The following BCAR3 variants were observed in gnomAD, a reference collection of about 807,000 sequenced individuals.
The protein encoded by BCAR3 is breast cancer anti-estrogen resistance protein 3.
In BCAR3, 37 loss-of-function variants were observed where a neutral mutation model predicts 80.1. The ratio of observed to expected loss-of-function variants is 0.46; its 90% confidence interval spans 0.36 to 0.61. The LOEUF is 0.61. Among genes scored for constraint, BCAR3 ranks in the 20% least tolerant of loss-of-function variants. The pLI, the probability that BCAR3 is intolerant of heterozygous loss-of-function variation, is 0.00. For missense variants in BCAR3, 978 were observed against 1,068.2 expected (o/e 0.92, Z 1.18); for synonymous variants, 389 against 418.9 (o/e 0.93, Z 0.87).
chr1:93,613,774 C>T, intron 3 of BCAR3: 2 of 1,506,484 alleles, frequency 1.3e-6, no homozygotes, highest in Non-Finnish European at 1.8e-6. Context: ...TATCTATTGC[C>T]CTTTAGGAAA....
chr1:93,701,477 C>T lies in BCAR3; in HGVS notation c.-12+4615G>A, dbSNP rs760653864. ...GGCCCTGAGAAAAGCCCTAAAGATG[C>T]CTGGCAGGGGACATCTCTTCACAAT... On this transcript the variant is annotated intron_variant, in intron 3 of 13. Transcript: ENST00000370244. Among the ~76,000 whole-genome samples the T allele has an allele frequency of 3.3e-5, 5 of 152,192 alleles. No homozygotes were observed. In the East Asian group the frequency reaches 9.6e-4, roughly 29 times the overall value.
chr1:93,653,934 C>T (rs1233838952), intron 2 of BCAR3, among the ~76,000 whole-genome samples: 1 of 152,188 alleles, frequency 6.6e-6, no homozygotes, highest in Non-Finnish European at 1.5e-5. Flanking sequence ...CCATCATCTC[C>T]CGCTGGACAC....
chr1:93,619,179 C>G (rs954592497), intron 3 of BCAR3, among the ~76,000 whole-genome samples: 1 of 151,206 alleles, frequency 6.6e-6, no homozygotes, highest in African/African-American at 2.4e-5. Context: ...ATCTCCTGAC[C>G]TCGTGATCCG....
At chr1:93,835,083 C>T (rs1280647066) in intron 2 of BCAR3, among the ~76,000 whole-genome samples, 1 of 152,128 alleles carries the variant, frequency 6.6e-6, no homozygotes, top group Non-Finnish European at 1.5e-5. Flanking sequence ...TCTCAGTAAG[C>T]TGAATTCATT....
At chr1:93,690,728 G>A (rs1253173711) in intron 3 of BCAR3, among the ~76,000 whole-genome samples, 1 of 152,216 alleles carries the variant, frequency 6.6e-6, no homozygotes, top group African/African-American at 2.4e-5. Context: ...CATACCTCAT[G>A]ATGCTGTTGT....
intron 2 of BCAR3, among the ~76,000 whole-genome samples, chr1:93,654,746 G>T (rs1263778260): frequency 6.6e-6 from 1 of 152,034 alleles, no homozygotes; most frequent in Admixed American, 6.5e-5. Flanking sequence ...CTTTTGCCCA[G>T]AATATTCATC....
chr1:93,647,248 C>T (rs904733027), intron 2 of BCAR3, among the ~76,000 whole-genome samples: 3 of 152,102 alleles, frequency 2.0e-5, no homozygotes, highest in Non-Finnish European at 4.4e-5. Flanking sequence ...AATTTTTGCT[C>T]TAAACATGAA....
chr1:93,629,205 C>T (rs1487809145), intron 3 of BCAR3, among the ~76,000 whole-genome samples: 1 of 152,206 alleles, frequency 6.6e-6, no homozygotes, highest in East Asian at 1.9e-4. Flanking sequence ...TCTCCCAAGG[C>T]TCCTCCCACT....
chr1:93,813,807 C>A (rs552632776), intron 2 of BCAR3, among the ~76,000 whole-genome samples: 1 of 152,294 alleles, frequency 6.6e-6, no homozygotes, highest in East Asian at 1.9e-4. Flanking sequence ...ATGTCCTTTA[C>A]ATTTTGTATT....
At chr1:93,796,515 C>T (rs1003530580) in intron 2 of BCAR3, among the ~76,000 whole-genome samples, 7 of 150,346 alleles carry the variant, frequency 4.7e-5, no homozygotes, top group Non-Finnish European at 1.0e-4. Flanking sequence ...TGCTTCGGCT[C>T]GCGCACGGTG....
intron 2 of BCAR3, among the ~76,000 whole-genome samples, chr1:93,663,984 G>C (rs12033667): frequency 6.6e-6 from 1 of 152,116 alleles, no homozygotes; most frequent in Admixed American, 6.5e-5. Flanking sequence ...CATGTACCTC[G>C]ACCTTGGGAA....
intron 3 of BCAR3, among the ~76,000 whole-genome samples, chr1:93,697,356 C>T (rs1180272598): frequency 6.6e-6 from 1 of 152,248 alleles, no homozygotes; most frequent in Non-Finnish European, 1.5e-5. Context: ...GCCCACTTAC[C>T]TGCCCACCTC....
At chr1:93,833,838 A>G (rs1361604398) in intron 2 of BCAR3, among the ~76,000 whole-genome samples, 3 of 152,212 alleles carry the variant, frequency 2.0e-5, no homozygotes, top group Non-Finnish European at 2.9e-5. Flanking sequence ...CTGAGGTGAC[A>G]TATATCCTCA....
At chr1:93,583,299 C>T in intron 6 of BCAR3, among the ~76,000 whole-genome samples, 1 of 152,046 alleles carries the variant, frequency 6.6e-6, no homozygotes, top group Non-Finnish European at 1.5e-5. Flanking sequence ...TGTAATCTTG[C>T]CCTAAGAAAC....
intron 2 of BCAR3, among the ~76,000 whole-genome samples, chr1:93,819,988 A>G (rs1411255140): frequency 6.6e-6 from 1 of 152,102 alleles, no homozygotes; most frequent in African/African-American, 2.4e-5. Context: ...CTCAATGTTT[A>G]GCTCCATTTA....
At chr1:93,843,763 T>C (rs1655046403) in intron 2 of BCAR3, among the ~76,000 whole-genome samples, 1 of 152,244 alleles carries the variant, frequency 6.6e-6, no homozygotes, top group African/African-American at 2.4e-5. Flanking sequence ...CATTTGCTTA[T>C]TGCTTCATAT....
intron 2 of BCAR3, among the ~76,000 whole-genome samples, chr1:93,654,410 C>CA (rs778302887): frequency 2.6e-5 from 4 of 152,090 alleles, no homozygotes; most frequent in Non-Finnish European, 4.4e-5. Context: ...AGCCAGGAAA[C>CA]AGAGACTTCA....
intron 3 of BCAR3, among the ~76,000 whole-genome samples, chr1:93,601,780 T>C (rs1348567056): frequency 1.3e-5 from 2 of 152,256 alleles, no homozygotes; most frequent in East Asian, 3.9e-4. Flanking sequence ...AATGTGTGCA[T>C]AAAAAGAGGA....
intron 3 of BCAR3, among the ~76,000 whole-genome samples, chr1:93,618,992 G>A (rs981264558): frequency 3.4e-5 from 5 of 149,146 alleles, no homozygotes; most frequent in African/African-American, 9.9e-5. Context: ...AGGCTGGAGT[G>A]CAGTGGCGCG....
Sources: allele counts gnomAD v4.1 joint callset (sites outside exome capture counted in the v4.1 genomes callset), GRCh38; gene constraint gnomAD v4.1.1; transcripts MANE v1.5; gene names NCBI Gene and HGNC (gene_info 2026-07-23, HGNC 2026-07-21).